The following EPHX1 variants were observed in gnomAD, a reference collection of about 807,000 sequenced individuals.
EPHX1 encodes the protein epoxide hydratase.
In EPHX1, 40 loss-of-function variants were observed where a neutral mutation model predicts 43.2. The ratio of observed to expected loss-of-function variants is 0.93; its 90% confidence interval spans 0.72 to 1.21. EPHX1 has a LOEUF of 1.21. Ranked by LOEUF, EPHX1 falls within the 50% of genes most tolerant of loss-of-function variation. The probability of loss-of-function intolerance (pLI) is 0.00; values close to 1 mark genes in which losing one functional copy is unlikely to be tolerated. For missense variants in EPHX1, 550 were observed against 570.4 expected (o/e 0.96, Z 0.36); for synonymous variants, 221 against 226.7 (o/e 0.98, Z 0.22).
intron 3 of EPHX1, among the ~76,000 whole-genome samples, chr1:225,838,216 G>A (rs973764730): frequency 6.6e-6 from 1 of 152,188 alleles, no homozygotes. Context: ...CTGGACTCCA[G>A]TATACTGTCA....
rs1668867404 is a variant in EPHX1 at position 225,845,305 on chromosome 1, C to T, written c.1326C>T (p.Ala442=). ...CCTTTGAGGAGCCGGAGCTGCTCGC[C>T]CAGGACATCCGCAAGTTCCTGTCGG... ...FAAFEEPELL[A]QDIRKFLSVL... is the part of the protein sequence containing the mutation. The change falls in exon 9 of 9, where the codon GCC becomes GCT. Residue 442 remains alanine (A), a synonymous_variant. Coordinates refer to ENST00000272167, the MANE Select transcript of EPHX1 (RefSeq NM_001136018.4). 6.2e-7 allele frequency: 1 copy of T among 1,612,280 alleles called. No individual in the cohort carries two copies. Among genetic ancestry groups the T allele is most frequent in the Non-Finnish European group, 8.5e-7 (1 of 1,179,994 alleles).
At chr1:225,845,011 G>A (rs1369081143) in intron 8 of EPHX1, 135 bp from the exon 9 acceptor site, 10 of 992,880 alleles carry the variant, frequency 1.0e-5, no homozygotes, top group East Asian at 2.5e-5. Context: ...TGAGACCCTG[G>A]ATTTGTCCTT....
In EPHX1 at chr1:225,842,465, G is replaced by A; in HGVS notation, c.1031G>A (p.Gly344Asp). Residue 344 changes from glycine (G) to aspartate (D), a missense_variant, in exon 7 of 9, where the codon GGC becomes GAC. Physicochemically the swap from Gly to Asp is moderately conservative, Grantham distance 94 (BLOSUM62 -1). Coordinates refer to ENST00000272167, the MANE Select transcript of EPHX1 (RefSeq NM_001136018.4). The part of the protein sequence containing the change: ...NTEFRYLEDG[G>D]LERKFSLDDL... ...GAATTCCGATACCTGGAGGATGGAG[G>A]CCTGGAAAGGTGAGGCCCTGGTTTG... 2 of 1,612,222 alleles carry A rather than the reference G, an allele frequency of 1.2e-6. No homozygotes were observed. Among genetic ancestry groups the A allele is most frequent in the Non-Finnish European group, 1.7e-6 (2 of 1,178,192 alleles).
chr1:225,831,835 C>G lies in EPHX1; in HGVS notation c.240C>G (p.Cys80Trp). ...FRFTPPLEDS[C>W]FHYGFNSNYL... is the part of the protein sequence containing the mutation. ...TCACCCCACCTTTGGAGGACAGCTG[C>G]TTCCACTATGGCTTCAACTCCAACT... is the stretch of plus-strand genomic sequence containing the variant. The change falls in exon 3 of 9, where the codon TGC becomes TGG. Residue 80 changes from cysteine (C) to tryptophan (W), a missense_variant. By Grantham distance (215) the Cys-to-Trp change is radical (BLOSUM62 -2). Transcript: ENST00000272167. 1 of 1,614,206 alleles carries G rather than the reference C, an allele frequency of 6.2e-7. No individual in the cohort carries two copies. Among genetic ancestry groups the G allele is most frequent in the Non-Finnish European group, 8.5e-7 (1 of 1,180,040 alleles).
chr1:225,830,420 T>G (rs1396059226), intron 2 of EPHX1, among the ~76,000 whole-genome samples: 1 of 152,170 alleles, frequency 6.6e-6, no homozygotes, highest in Non-Finnish European at 1.5e-5. Context: ...GCTGGCCTTT[T>G]AGCCTAATAC....
chr1:225,830,676 G>T, intron 2 of EPHX1, among the ~76,000 whole-genome samples: 1 of 152,132 alleles, frequency 6.6e-6, no homozygotes, highest in Non-Finnish European at 1.5e-5. Flanking sequence ...TGTTGGCCAG[G>T]CTGGTCTCGA....
Position 225,822,796 on chromosome 1 carries a change from C to CT in EPHX1, c.-5-5926dup, listed in dbSNP as rs368684247. On this transcript the variant is annotated intron_variant, in intron 1 of 8. Transcript: ENST00000272167. ...ACCCGAAGATGTACATAGCCTTGTG[C>CT]TTTGGTCATCCTCCCAAATCATGTC... is the stretch of plus-strand genomic sequence containing the variant. Among the ~76,000 whole-genome samples, 900 of 152,334 alleles carry CT rather than the reference C, an allele frequency of 5.9e-3. 13 individuals are homozygous for CT. The highest frequency in any genetic ancestry group is 0.021 in the African/African-American group (855 of 41,576).
At chr1:225,843,142 AGTG>A (rs1460884845) in intron 7 of EPHX1, among the ~76,000 whole-genome samples, 1 of 152,216 alleles carries the variant, frequency 6.6e-6, no homozygotes, top group East Asian at 1.9e-4. Flanking sequence ...CCGGGTGAAC[AGTG>A]GGAGAGCCCA....
rs772942082 is a variant in EPHX1, at chr1:225,831,860, T to C, written c.265T>C (p.Tyr89His). 3 of 1,614,184 alleles carry C rather than the reference T, an allele frequency of 1.9e-6. No homozygotes were observed. Among genetic ancestry groups the C allele is most frequent in the South Asian group, 2.2e-5 (2 of 91,088 alleles). The change falls in exon 3 of 9, where the codon TAC becomes CAC. Residue 89 changes from tyrosine (Y) to histidine (H), a missense_variant. By Grantham distance (83) the Tyr-to-His change is moderately conservative. Coordinates refer to ENST00000272167, the MANE Select transcript of EPHX1 (RefSeq NM_001136018.4). ...CTTCCACTATGGCTTCAACTCCAACTACCTGAAGAAAGTCATCTCCTACTG... is the reference window on the plus strand; with the variant it reads ...CTTCCACTATGGCTTCAACTCCAACCACCTGAAGAAAGTCATCTCCTACTG... ...SCFHYGFNSN[Y>H]LKKVISYWRN...
chr1:225,840,030 C>T lies in EPHX1; in HGVS notation c.924C>T (p.Asp308=), dbSNP rs1668267400. The part of the protein sequence containing the change: ...GYMHIQCTKP[D]TVGSALNDSP... ...TGCACATCCAGTGCACCAAGCCTGA[C>T]ACCGTAGGTGAGTGTGCTCAGGGGT... The change falls in exon 6 of 9, where the codon GAC becomes GAT. Residue 308 remains aspartate, a synonymous_variant. Transcript: ENST00000272167. 6.2e-7 allele frequency: 1 copy of T among 1,614,024 alleles called. No individual in the cohort carries two copies. Among genetic ancestry groups the T allele is most frequent in the African/African-American group, 1.3e-5 (1 of 75,038 alleles).
chr1:225,843,036 C>T (rs577118224), intron 7 of EPHX1, among the ~76,000 whole-genome samples: 29 of 152,314 alleles, frequency 1.9e-4, no homozygotes, highest in African/African-American at 6.3e-4. Context: ...CCAGACAGTG[C>T]TGGGGATGGG....
chr1:225,830,867 G>A (rs1334986913), intron 2 of EPHX1, among the ~76,000 whole-genome samples: 1 of 152,190 alleles, frequency 6.6e-6, no homozygotes, highest in Non-Finnish European at 1.5e-5. Flanking sequence ...CCTGCTACCT[G>A]TTTTAGCACA....
chr1:225,832,752 T>C (rs928916468), intron 3 of EPHX1, among the ~76,000 whole-genome samples: 4 of 152,232 alleles, frequency 2.6e-5, no homozygotes, highest in Non-Finnish European at 5.9e-5. Flanking sequence ...TCCTAATGGG[T>C]ATGAAATGGT....
chr1:225,814,347 A>T (rs1666621617), intron 1 of EPHX1, among the ~76,000 whole-genome samples: 1 of 152,220 alleles, frequency 6.6e-6, no homozygotes, highest in Non-Finnish European at 1.5e-5. Context: ...CACCCTGGGC[A>T]ACATAGCGAG....
At chr1:225,836,315 C>T (rs145437220) in intron 3 of EPHX1, among the ~76,000 whole-genome samples, 540 of 152,208 alleles carry the variant, frequency 3.5e-3, no homozygotes, top group Non-Finnish European at 5.0e-3. Context: ...AAATCCTGGC[C>T]GGGTGTGGTG....
At chr1:225,829,917 T>G (rs1667482880) in intron 2 of EPHX1, among the ~76,000 whole-genome samples, 1 of 151,770 alleles carries the variant, frequency 6.6e-6, no homozygotes, top group South Asian at 2.1e-4. Context: ...CTACTAAAAA[T>G]ACAAAAAATT....
At chr1:225,823,023 G>T (rs1186301782) in intron 1 of EPHX1, among the ~76,000 whole-genome samples, 1 of 152,176 alleles carries the variant, frequency 6.6e-6, no homozygotes, top group Non-Finnish European at 1.5e-5. Context: ...TTTAGGGGAA[G>T]AGGAAGGAAC....
chr1:225,834,102 A>G (rs140141122), intron 3 of EPHX1, among the ~76,000 whole-genome samples: 7,473 of 100,838 alleles, frequency 0.074, 342 homozygotes, highest in East Asian at 0.21. Flanking sequence ...TGTCTCAAAA[A>G]AAAAAAAAAG....
chr1:225,827,409 C>T (rs951039976), intron 1 of EPHX1, among the ~76,000 whole-genome samples: 1 of 152,206 alleles, frequency 6.6e-6, no homozygotes, highest in Non-Finnish European at 1.5e-5. Context: ...TGAACAAGAA[C>T]AGTCTATGGG....
Sources: allele counts gnomAD v4.1 joint callset (sites outside exome capture counted in the v4.1 genomes callset), GRCh38; gene constraint gnomAD v4.1.1; transcripts MANE v1.5; gene names NCBI Gene and HGNC (gene_info 2026-07-23, HGNC 2026-07-21).